The following CCDC171 variants were observed in gnomAD, a reference collection of about 807,000 sequenced individuals.
The protein encoded by CCDC171 is coiled-coil domain containing 171, also known as coiled-coil domain-containing protein 171.
A neutral mutation model predicts 168.2 loss-of-function variants in CCDC171; 177 were observed. The ratio of observed to expected loss-of-function variants is 1.05; its 90% CI spans 0.93 to 1.19. The LOEUF (loss-of-function observed/expected upper bound fraction) is 1.19, where lower values mean the gene tolerates loss of function less well. Among genes scored for constraint, CCDC171 ranks in the 50% most tolerant of loss-of-function variants. The probability of loss-of-function intolerance (pLI) is 0.00; values close to 1 mark genes in which losing one functional copy is unlikely to be tolerated. For synonymous variants in CCDC171, 687 were observed against 540.8 expected, an observed-to-expected ratio of 1.27 and a Z score of -3.75; for missense variants, 1,991 against 1,539.0, an observed-to-expected ratio of 1.29 and a Z score of -4.91.
At chr9:15,855,624 G>A (rs777407316) in intron 23 of CCDC171, among the ~76,000 whole-genome samples, 14 of 151,652 alleles carry the variant, frequency 9.2e-5, no homozygotes, top group African/African-American at 3.4e-4. Flanking sequence ...GTTCTTCTAC[G>A]ATTCCTTCTT....
In CCDC171 at chr9:15,874,196, G is replaced by T. The variant is rs573822137; in HGVS notation, c.3469-336G>T. On this transcript the variant is annotated intron_variant, in intron 23 of 25. Transcript: ENST00000380701. ...AGGTGATAATGATTAGGAGATGGCT[G>T]TTGTTTTTGATTTTGTGAATGTTTT... Among the ~76,000 whole-genome samples the T allele has an allele frequency of 2.0e-5, 3 of 152,166 alleles. No homozygotes were observed. In the South Asian group the frequency reaches 6.2e-4, roughly 32 times the overall value.
At chr9:15,612,645 A>G (rs1189514014) in intron 6 of CCDC171, among the ~76,000 whole-genome samples, 2 of 150,962 alleles carry the variant, frequency 1.3e-5, no homozygotes, top group Admixed American at 6.6e-5. Context: ...AGTTTTGACT[A>G]TTTTCTTGGT....
At chr9:15,640,641 C>T (rs1444907872) in intron 7 of CCDC171, among the ~76,000 whole-genome samples, 1 of 151,882 alleles carries the variant, frequency 6.6e-6, no homozygotes, top group Non-Finnish European at 1.5e-5. Context: ...TTTAAAAAGC[C>T]AACATTGAAG....
the CCDC171 span, among the ~76,000 whole-genome samples, chr9:16,097,056 A>G: frequency 6.6e-6 from 1 of 152,196 alleles, no homozygotes; most frequent in African/African-American, 2.4e-5. Context: ...TCCTTGGAGA[A>G]CAGAGGAGGA....
At chr9:15,889,972 T>C (rs1164277237) in intron 24 of CCDC171, among the ~76,000 whole-genome samples, 1 of 152,140 alleles carries the variant, frequency 6.6e-6, no homozygotes, top group African/African-American at 2.4e-5. Flanking sequence ...CTGCTTATTC[T>C]AGAGAGGAAA....
rs145609672 is a variant in CCDC171, at chr9:16,048,811, G to A, written n.89+5925G>A. Among the ~76,000 whole-genome samples, 15 of 152,164 alleles carry A rather than the reference G, an allele frequency of 9.9e-5. 1 individual carries two copies. Among genetic ancestry groups the A allele is most frequent in the African/African-American group, 3.6e-4 (15 of 41,496 alleles). ...AGAGTTATTGTGGGAATTTAAATGAGTTATTAGAACAGTACCTCGCACGTA... is the reference window on the plus strand; with the variant it reads ...AGAGTTATTGTGGGAATTTAAATGAATTATTAGAACAGTACCTCGCACGTA... On this transcript the variant is annotated intron_variant and non_coding_transcript_variant, in intron 1 of 1. Transcript: ENST00000478913.
intron 21 of CCDC171, among the ~76,000 whole-genome samples, chr9:15,785,757 G>T (rs78062732): frequency 6.6e-6 from 1 of 152,026 alleles, no homozygotes. Context: ...TTTCACATCT[G>T]TCTTCCTAAC....
At chr9:15,802,310 G>C (rs1020074387) in intron 21 of CCDC171, among the ~76,000 whole-genome samples, 1 of 151,884 alleles carries the variant, frequency 6.6e-6, no homozygotes, top group Non-Finnish European at 1.5e-5. Flanking sequence ...TGTTACCTAC[G>C]TAAATGTGTG....
intron 16 of CCDC171, among the ~76,000 whole-genome samples, chr9:15,731,785 G>T (rs1045182718): frequency 6.6e-6 from 1 of 151,986 alleles, no homozygotes. Context: ...TCTAAAAAAT[G>T]CTTGTGTCAT....
intron 21 of CCDC171, among the ~76,000 whole-genome samples, chr9:15,784,987 T>A (rs1010436403): frequency 1.1e-4 from 17 of 152,154 alleles, no homozygotes; most frequent in Admixed American, 5.2e-4. Context: ...TTCTTTTATC[T>A]TCTTTATTTC....
intron 18 of CCDC171, among the ~76,000 whole-genome samples, chr9:15,752,078 A>C (rs887351590): frequency 6.6e-5 from 10 of 152,166 alleles, no homozygotes; most frequent in African/African-American, 2.4e-4. Context: ...AAACAACCCC[A>C]TCAAAAAGTG....
rs200097732 is a variant in CCDC171 at position 15,594,045 on chromosome 9, C to T, written c.548C>T (p.Ala183Val). The T allele has an allele frequency of 1.3e-3, 2,018 of 1,580,538 alleles. 46 individuals carry two copies. In the South Asian group the frequency reaches 0.022, roughly 17 times the overall value. Residue 183 changes from alanine (A) to valine (V), a missense_variant, in exon 6 of 26, where the codon GCG (alanine) becomes GTG (valine). Physicochemically the swap from Ala to Val is moderately conservative, Grantham distance 64. Coordinates refer to ENST00000380701, the MANE Select transcript of CCDC171 (RefSeq NM_173550.4). The stretch of plus-strand genomic sequence containing the variant: ...CAAGATTTTATTTATATAAAGGAAG[C>T]GTTGGAAAAACATCAACGGGAGAAG... ...KSRLEKTLQE[A>V]LEKHQREKNE...
chr9:15,657,974 G>T (rs1407539692), intron 8 of CCDC171, among the ~76,000 whole-genome samples: 1 of 152,186 alleles, frequency 6.6e-6, no homozygotes, highest in Non-Finnish European at 1.5e-5. Flanking sequence ...TTTATTAGAA[G>T]ATAGCCATGC....
intron 8 of CCDC171, among the ~76,000 whole-genome samples, chr9:15,658,106 T>G (rs1272404935): frequency 6.6e-6 from 1 of 152,258 alleles, no homozygotes; most frequent in East Asian, 1.9e-4. Flanking sequence ...TCTGAACAAC[T>G]GCTTGGATAA....
chr9:15,596,141 T>C lies in CCDC171; in HGVS notation c.675+1969T>C, dbSNP rs1587263768. On this transcript the variant is annotated intron_variant, in intron 6 of 25. Transcript: ENST00000380701. ...TTTCTTTTGCTGTGTAGGAGCTCTT[T>C]AGTTTAATTAGATCCCATTTGTCAA... Among the ~76,000 whole-genome samples, 4 of 152,322 alleles carry C rather than the reference T, an allele frequency of 2.6e-5. No homozygotes were observed. The South Asian group carries it at 8.3e-4, about 32-fold the overall frequency.
rs1457280264 is a variant in CCDC171, at chr9:15,656,291, C to A, written c.823-836C>A. ...GAGCCTAGATGGCGCCACTGCATTC[C>A]AGCCTGGGTGACAGAGCGAGACTCC... is the stretch of plus-strand genomic sequence containing the variant. On this transcript the variant is annotated intron_variant, in intron 7 of 25. Transcript: ENST00000380701. Among the ~76,000 whole-genome samples the A allele has an allele frequency of 3.3e-5, 5 of 150,538 alleles. No homozygotes were observed. The East Asian group carries it at 9.7e-4, about 29-fold the overall frequency.
chr9:15,683,814 G>A (rs2050200356), intron 10 of CCDC171, among the ~76,000 whole-genome samples: 1 of 152,110 alleles, frequency 6.6e-6, no homozygotes, highest in Non-Finnish European at 1.5e-5. Flanking sequence ...GAGAGCAAGA[G>A]ATTGCGAGAG....
chr9:15,631,400 G>A (rs1020183945), intron 7 of CCDC171, among the ~76,000 whole-genome samples: 107 of 152,246 alleles, frequency 7.0e-4, no homozygotes, highest in Non-Finnish European at 4.4e-4. Context: ...ACACCTCTAC[G>A]CAAATAAACT....
intron 18 of CCDC171, among the ~76,000 whole-genome samples, chr9:15,772,606 T>A (rs909258019): frequency 1.3e-5 from 2 of 152,244 alleles, no homozygotes; most frequent in African/African-American, 4.8e-5. Context: ...TAGTGAAAGA[T>A]GTTCCTGTGA....
Sources: gnomAD v4.1 joint callset for allele counts (sites outside exome capture counted in the v4.1 genomes callset) on GRCh38, gnomAD v4.1.1 for gene constraint, MANE v1.5 for transcripts, NCBI Gene and HGNC (gene_info 2026-07-23, HGNC 2026-07-21) for gene names.